The following ATP8A1 variants were observed in gnomAD, a reference collection of about 807,000 sequenced individuals.
ATP8A1 encodes ATPase phospholipid transporting 8A1.
Under a neutral mutation model 177.7 loss-of-function variants are expected in ATP8A1, and 90 were observed. The observed-to-expected ratio is 0.51, with a 90% CI of 0.43 to 0.60. The LOEUF (loss-of-function observed/expected upper bound fraction) is 0.60. ATP8A1 is among the 20% of genes least tolerant of loss of function. The pLI is 0.00. For missense variants in ATP8A1, 1,072 were observed against 1,392.8 expected, an observed-to-expected ratio of 0.77 and a Z score of 3.67; for synonymous variants, 493 against 485.9, an observed-to-expected ratio of 1.01 and a Z score of -0.19.
At chr4:42,544,757 T>A (rs1728723499) in intron 19 of ATP8A1, among the ~76,000 whole-genome samples, 1 of 152,214 alleles carries the variant, frequency 6.6e-6, no homozygotes, top group Admixed American at 6.5e-5. Context: ...CAAATGTCTG[T>A]ATCTATTTGT....
chr4:42,643,879 AAGTC>A (rs1463726704), intron 1 of ATP8A1, among the ~76,000 whole-genome samples: 1 of 152,198 alleles, frequency 6.6e-6, no homozygotes, highest in Non-Finnish European at 1.5e-5. Flanking sequence ...GGCCTACAGG[AAGTC>A]CCAGTGCCTT....
rs1335453612 is a variant in ATP8A1 at position 42,494,185 on chromosome 4, A to AG, written c.2152-8518_2152-8517insC. Among the ~76,000 whole-genome samples the AG allele has an allele frequency of 2.2e-4, 31 of 143,642 alleles. 1 individual carries two copies. The highest frequency in any genetic ancestry group is 2.0e-3 in the Admixed American group (29 of 14,556). The allele number at this position is 143,642 out of a possible 152,430, so 94.2% of individuals were successfully genotyped here. A position where few individuals can be genotyped will look rare whatever the true frequency, so the allele number is the denominator to read the frequency against. The stretch of plus-strand genomic sequence containing the variant: ...CACAAAAAAAAAAAAAAAAAAAAAA[A>AG]AAAGAGGTCAGGCTTGGTGGCTCAT... On this transcript the variant is annotated intron_variant, in intron 24 of 36. Transcript: ENST00000381668.
Position 42,608,390 on chromosome 4 carries a change from C to T in ATP8A1, c.409+7643G>A, listed in dbSNP as rs1038207030. ...TTTTTTTTTTTTGGAGACAGAGTCTCGCTTTGTCACCCAGGTTGGAGTGCA... is the reference window on the plus strand; with the variant it reads ...TTTTTTTTTTTTGGAGACAGAGTCTTGCTTTGTCACCCAGGTTGGAGTGCA... On this transcript the variant is annotated intron_variant, in intron 5 of 36. Transcript: ENST00000381668. 5.4e-5 allele frequency among the ~76,000 whole-genome samples: 8 copies of T among 148,172 alleles called. No homozygotes were observed. The South Asian group carries it at 6.4e-4, about 12-fold the overall frequency.
At position 42,657,072 on chromosome 4, in the gene ATP8A1, A is replaced by AGGTGGCGGCGCC; in HGVS notation, c.-211_-200dup. ...AGGAGAAAGGCAGCGGTGGCGGCGA[A>AGGTGGCGGCGCC]GGTGGCGGCGCCCGCAGAGCTGGGC... On this transcript the variant is annotated 5_prime_UTR_variant, in exon 1 of 37. Coordinates refer to ENST00000381668, the MANE Select transcript of ATP8A1 (RefSeq NM_006095.2). 2.2e-6 allele frequency: 1 copy of AGGTGGCGGCGCC among 444,858 alleles called. No individual in the cohort carries two copies. Among genetic ancestry groups the AGGTGGCGGCGCC allele is most frequent in the South Asian group, 1.2e-4 (1 of 8,622 alleles). The allele number at this position is 444,858 out of a possible 1,614,324, so 27.6% of individuals were successfully genotyped here. A position where few individuals can be genotyped will look rare whatever the true frequency, so the allele number is the denominator to read the frequency against.
intron 14 of ATP8A1, among the ~76,000 whole-genome samples, chr4:42,573,615 G>A (rs1049726323): frequency 6.6e-6 from 1 of 152,112 alleles, no homozygotes; most frequent in African/African-American, 2.4e-5. Flanking sequence ...TATACATATA[G>A]TTTATAGTCA....
Position 42,626,633 on chromosome 4 carries a change from T to G in ATP8A1, c.164+362A>C, listed in dbSNP as rs1738130205. On this transcript the variant is annotated intron_variant, in intron 2 of 36. Coordinates refer to ENST00000381668, the MANE Select transcript of ATP8A1 (RefSeq NM_006095.2). ...AGACTATATAACCAGAAGGAATTCT[T>G]GGTGCAGAATTGCAAAGACCTCTTC... is the stretch of plus-strand genomic sequence containing the variant. 13 of 238,024 alleles carry G rather than the reference T, an allele frequency of 5.5e-5. 1 individual carries two copies. The South Asian group carries it at 7.6e-4, about 14-fold the overall frequency. 14.7% of individuals were successfully genotyped at this position (238,024 alleles called of 1,614,324 possible). A position where few individuals can be genotyped will look rare whatever the true frequency, so the allele number is the denominator to read the frequency against.
intron 1 of ATP8A1, among the ~76,000 whole-genome samples, chr4:42,639,274 A>C (rs1207164764): frequency 6.6e-6 from 1 of 152,220 alleles, no homozygotes; most frequent in East Asian, 1.9e-4. Flanking sequence ...TTCAACAGTG[A>C]ATATTAACAG....
rs987431440 is a variant in ATP8A1, at chr4:42,656,946, C to G, written c.-73G>C. ...CACGGCGTGGTACACGCGGGAGACC[C>G]GGCTGCGCCGCGCAGAGCGCTCAGC... is the stretch of plus-strand genomic sequence containing the variant. On this transcript the variant is annotated 5_prime_UTR_variant, in exon 1 of 37. Coordinates refer to ENST00000381668, the MANE Select transcript of ATP8A1 (RefSeq NM_006095.2). 5.1e-6 allele frequency: 7 copies of G among 1,385,924 alleles called. No homozygotes were observed. Among genetic ancestry groups the G allele is most frequent in the Middle Eastern group, 2.2e-4 (1 of 4,574 alleles). 85.9% of individuals were successfully genotyped at this position (1,385,924 alleles called of 1,614,324 possible). A position where few individuals can be genotyped will look rare whatever the true frequency, so the allele number is the denominator to read the frequency against.
intron 24 of ATP8A1, among the ~76,000 whole-genome samples, chr4:42,490,700 T>C (rs1346449749): frequency 6.6e-6 from 1 of 152,202 alleles, no homozygotes; most frequent in African/African-American, 2.4e-5. Context: ...CTATTTCCTT[T>C]TCCTTTAAGC....
At chr4:42,574,231 A>C (rs1474479345) in intron 14 of ATP8A1, among the ~76,000 whole-genome samples, 1 of 152,148 alleles carries the variant, frequency 6.6e-6, no homozygotes. Flanking sequence ...AAAAAGTATC[A>C]AAAGGGGTAA....
At chr4:42,545,946 G>C (rs10014604) in intron 19 of ATP8A1, among the ~76,000 whole-genome samples, 149,511 of 152,258 alleles carry the variant, frequency 0.98, 73,465 homozygotes, top group East Asian at 1. Context: ...TGTACTGCAG[G>C]CTGGGTAACA....
intron 27 of ATP8A1, among the ~76,000 whole-genome samples, chr4:42,457,739 G>C (rs1048418916): frequency 6.6e-6 from 1 of 152,160 alleles, no homozygotes; most frequent in African/African-American, 2.4e-5. Context: ...GCTACTACGA[G>C]CTTGAAATTT....
intron 15 of ATP8A1, among the ~76,000 whole-genome samples, chr4:42,564,383 A>G (rs1181498082): frequency 2.0e-5 from 3 of 152,176 alleles, no homozygotes; most frequent in African/African-American, 7.2e-5. Flanking sequence ...ACTCAATGAC[A>G]GCCTGTGAAA....
At chr4:42,577,687 C>T (rs773840474) in intron 12 of ATP8A1, among the ~76,000 whole-genome samples, 10 of 151,914 alleles carry the variant, frequency 6.6e-5, no homozygotes, top group Non-Finnish European at 1.3e-4. Flanking sequence ...TAATATTTAA[C>T]AATATTCAAG....
intron 25 of ATP8A1, among the ~76,000 whole-genome samples, chr4:42,480,304 A>G (rs1262969593): frequency 6.6e-6 from 1 of 152,184 alleles, no homozygotes; most frequent in Admixed American, 6.5e-5. Context: ...ATGTTAAAGC[A>G]AACTATTGGC....
intron 24 of ATP8A1, among the ~76,000 whole-genome samples, chr4:42,497,794 T>C (rs1274430362): frequency 2.6e-5 from 4 of 152,260 alleles, no homozygotes; most frequent in African/African-American, 9.6e-5. Context: ...TTTCATTTTT[T>C]GGTAATGTTT....
intron 33 of ATP8A1, among the ~76,000 whole-genome samples, chr4:42,437,380 G>A (rs1577929810): frequency 6.6e-6 from 1 of 152,028 alleles, no homozygotes; most frequent in East Asian, 1.9e-4. Flanking sequence ...TTTCCCCAGG[G>A]CCTACCTTGC....
chr4:42,567,925 A>T (rs1050655460), intron 15 of ATP8A1, among the ~76,000 whole-genome samples: 1 of 152,120 alleles, frequency 6.6e-6, no homozygotes, highest in African/African-American at 2.4e-5. Flanking sequence ...ATTTTAGAGG[A>T]TATATATATC....
intron 1 of ATP8A1, among the ~76,000 whole-genome samples, chr4:42,636,156 A>ACACACACACACACGCGCGTGCGCGCGCG (rs565139270): frequency 1.4e-3 from 128 of 90,960 alleles, no homozygotes; most frequent in East Asian, 4.4e-3. Flanking sequence ...ACACACACAC[A>ACACACACACACACGCGCGTGCGCGCGCG]CGCACACACA....
Sources: gnomAD v4.1 joint callset for allele counts (sites outside exome capture counted in the v4.1 genomes callset) on GRCh38, gnomAD v4.1.1 for gene constraint, MANE v1.5 for transcripts, NCBI Gene and HGNC (gene_info 2026-07-23, HGNC 2026-07-21) for gene names.